Variants in ERBB4 observed in about 807,000 individuals in gnomAD.
ERBB4 encodes the protein receptor tyrosine-protein kinase erbB-4.
In ERBB4, 42 loss-of-function variants were observed where a neutral mutation model predicts 158.0. The observed-to-expected ratio is 0.27, with a 90% CI of 0.21 to 0.34. ERBB4 has a LOEUF of 0.34. Ranked by LOEUF, ERBB4 falls within the 10% of genes least tolerant of loss-of-function variation. ERBB4 has a pLI of 1.00. For missense variants in ERBB4, 1,333 were observed against 1,624.1 expected (o/e 0.82, Z 3.08); for synonymous variants, 583 against 558.7 (o/e 1.04, Z -0.61).
Position 212,318,951 on chromosome 2 carries a change from A to C in ERBB4, c.83-194048T>G, listed in dbSNP as rs146917049. Among the ~76,000 whole-genome samples the C allele has an allele frequency of 2.0e-5, 3 of 151,444 alleles. No homozygotes were observed. In the South Asian group the frequency reaches 6.2e-4, roughly 31 times the overall value. ...GAGCCAGTGGGGACCAATCCTCACC[A>C]TTTTTCAGTGTTCTCTTTGCTTCAG... On this transcript the variant is annotated intron_variant, in intron 1 of 27. Coordinates refer to ENST00000342788, the MANE Select transcript of ERBB4 (RefSeq NM_005235.3).
chr2:211,391,835 TA>T (rs946153904), intron 25 of ERBB4, among the ~76,000 whole-genome samples: 2 of 152,238 alleles, frequency 1.3e-5, no homozygotes, highest in African/African-American at 4.8e-5. Context: ...TATCTTGTGA[TA>T]TTTTTAAAAA....
At chr2:212,171,297 C>A (rs888423092) in intron 1 of ERBB4, among the ~76,000 whole-genome samples, 3 of 151,190 alleles carry the variant, frequency 2.0e-5, no homozygotes, top group Non-Finnish European at 2.9e-5. Flanking sequence ...GCCCATACCC[C>A]CATTGTATCT....
chr2:211,433,386 C>G (rs1280524464), intron 20 of ERBB4, among the ~76,000 whole-genome samples: 1 of 151,770 alleles, frequency 6.6e-6, no homozygotes. Flanking sequence ...TCGAGACCAT[C>G]CTGGCTAACA....
chr2:211,531,557 G>T (rs1267397529), intron 20 of ERBB4, among the ~76,000 whole-genome samples: 1 of 152,044 alleles, frequency 6.6e-6, no homozygotes, highest in African/African-American at 2.4e-5. Flanking sequence ...TACATGAAAA[G>T]GTGCTCAACA....
At chr2:212,387,087 GC>G (rs1366676316) in intron 1 of ERBB4, among the ~76,000 whole-genome samples, 4 of 152,110 alleles carry the variant, frequency 2.6e-5, no homozygotes, top group Non-Finnish European at 5.9e-5. Flanking sequence ...TAAAAATCAA[GC>G]AAATAAAATA....
chr2:212,337,777 C>T (rs1416099093), intron 1 of ERBB4, among the ~76,000 whole-genome samples: 1 of 152,122 alleles, frequency 6.6e-6, no homozygotes, highest in Non-Finnish European at 1.5e-5. Context: ...ATTATTCCAT[C>T]TTTGTAACTG....
At chr2:212,049,791 G>T (rs1374063097) in intron 2 of ERBB4, among the ~76,000 whole-genome samples, 1 of 152,118 alleles carries the variant, frequency 6.6e-6, no homozygotes, top group Non-Finnish European at 1.5e-5. Context: ...TTACTCTCAA[G>T]TGACTCCAGT....
intron 1 of ERBB4, among the ~76,000 whole-genome samples, chr2:212,403,205 C>T (rs763704541): frequency 1.3e-5 from 2 of 152,026 alleles, no homozygotes; most frequent in Non-Finnish European, 2.9e-5. Flanking sequence ...GTTAAATGTA[C>T]TTCTTTTCTC....
At chr2:212,314,328 A>G (rs897904776) in intron 1 of ERBB4, among the ~76,000 whole-genome samples, 5 of 150,784 alleles carry the variant, frequency 3.3e-5, no homozygotes, top group Admixed American at 3.3e-4. Context: ...TTTTTTCTGA[A>G]CACATTCCCA....
intron 1 of ERBB4, among the ~76,000 whole-genome samples, chr2:212,432,837 C>G (rs1056275277): frequency 1.3e-5 from 2 of 152,112 alleles, no homozygotes; most frequent in South Asian, 4.1e-4. Context: ...ATGTAATTAA[C>G]TTGCCTCATC....
At chr2:212,025,539 G>A (rs1318499365) in intron 2 of ERBB4, among the ~76,000 whole-genome samples, 1 of 151,888 alleles carries the variant, frequency 6.6e-6, no homozygotes, top group South Asian at 2.1e-4. Flanking sequence ...CCACTAGAAA[G>A]TGTGAATAGT....
At chr2:211,942,813 T>C (rs1463935964) in intron 3 of ERBB4, among the ~76,000 whole-genome samples, 1 of 152,132 alleles carries the variant, frequency 6.6e-6, no homozygotes, top group Non-Finnish European at 1.5e-5. Flanking sequence ...ATCCCAAATA[T>C]CGCCTTCTCT....
intron 19 of ERBB4, 128 bp from the exon 20 acceptor site, chr2:211,562,216 GAA>G (rs2067415810): frequency 7.9e-6 from 6 of 755,318 alleles, no homozygotes; most frequent in Non-Finnish European, 1.4e-5. Context: ...CAATCAAAAT[GAA>G]AAGACATAAT....
intron 20 of ERBB4, among the ~76,000 whole-genome samples, chr2:211,508,355 G>A (rs1361293757): frequency 6.6e-6 from 1 of 152,068 alleles, no homozygotes; most frequent in African/African-American, 2.4e-5. Flanking sequence ...ACATTTTGCA[G>A]CCAACAAACA....
intron 1 of ERBB4, among the ~76,000 whole-genome samples, chr2:212,336,530 C>G (rs1170617272): frequency 1.3e-5 from 2 of 152,006 alleles, no homozygotes; most frequent in Non-Finnish European, 2.9e-5. Flanking sequence ...ATATTGTTTA[C>G]TACACTAAAA....
At chr2:211,619,106 T>A in intron 19 of ERBB4, 71 bp downstream of exon 19, 1 of 919,554 alleles carries the variant, frequency 1.1e-6, no homozygotes. Flanking sequence ...TTGGTTTTGT[T>A]TTGCTTTAAT....
intron 16 of ERBB4, among the ~76,000 whole-genome samples, chr2:211,631,757 T>TA (rs1291649282): frequency 6.6e-6 from 1 of 152,080 alleles, no homozygotes; most frequent in Non-Finnish European, 1.5e-5. Flanking sequence ...AGGTGTTACC[T>TA]AAAAAATATT....
intron 1 of ERBB4, among the ~76,000 whole-genome samples, chr2:212,279,423 G>A (rs975748538): frequency 4.0e-5 from 6 of 151,500 alleles, no homozygotes; most frequent in African/African-American, 1.2e-4. Flanking sequence ...TAAAAGGGGA[G>A]ATGAGGTTTA....
intron 7 of ERBB4, among the ~76,000 whole-genome samples, chr2:211,718,177 G>A (rs1351199693): frequency 6.6e-6 from 1 of 152,086 alleles, no homozygotes; most frequent in Non-Finnish European, 1.5e-5. Flanking sequence ...CTTCCAAAGT[G>A]TTGGGATTAC....
Sources: allele counts gnomAD v4.1 joint callset (sites outside exome capture counted in the v4.1 genomes callset), GRCh38; gene constraint gnomAD v4.1.1; transcripts MANE v1.5; gene names NCBI Gene and HGNC (gene_info 2026-07-23, HGNC 2026-07-21).